Variants in ANO4 observed in about 807,000 individuals in gnomAD.
ANO4 encodes the protein anoctamin 4.
ANO4 carries 69 observed loss-of-function variants against 141.9 expected under a neutral mutation model. That is an observed-to-expected ratio of 0.49 (90% CI 0.40 to 0.59). ANO4 has a LOEUF of 0.59. Among genes scored for constraint, ANO4 ranks in the 20% least tolerant of loss-of-function variants. The pLI is 0.00. For synonymous variants in ANO4, 350 were observed against 394.3 expected (o/e 0.89, Z 1.33); for missense variants, 894 against 1,162.2 (o/e 0.77, Z 3.36).
chr12:100,912,883 G>A (rs1460612823), intron 2 of ANO4, among the ~76,000 whole-genome samples: 1 of 152,168 alleles, frequency 6.6e-6, no homozygotes, highest in Non-Finnish European at 1.5e-5. Flanking sequence ...GTGCCTTTCA[G>A]AACAGTTAGT....
chr12:100,780,895 G>A (rs1300166004), intron 3 of ANO4, among the ~76,000 whole-genome samples: 1 of 152,136 alleles, frequency 6.6e-6, no homozygotes, highest in African/African-American at 2.4e-5. Flanking sequence ...GTTGGTCATT[G>A]TTTGGCTTCA....
At chr12:100,912,945 C>T (rs2041180138) in intron 2 of ANO4, among the ~76,000 whole-genome samples, 1 of 152,140 alleles carries the variant, frequency 6.6e-6, no homozygotes, top group African/African-American at 2.4e-5. Context: ...ATCTCTTCCT[C>T]TTTAAGTGGG....
chr12:100,768,036 C>T (rs369172130), intron 3 of ANO4, among the ~76,000 whole-genome samples: 1 of 152,018 alleles, frequency 6.6e-6, no homozygotes, highest in Non-Finnish European at 1.5e-5. Flanking sequence ...TCCCTTGGGC[C>T]ATGGGGGCTG....
chr12:101,054,753 G>A (rs1453039915), intron 14 of ANO4, among the ~76,000 whole-genome samples: 1 of 151,954 alleles, frequency 6.6e-6, no homozygotes, highest in African/African-American at 2.4e-5. Context: ...GCCCGCCTTG[G>A]CCTCCCAAAG....
At position 101,114,335 on chromosome 12, in the gene ANO4, C is replaced by T. The variant is rs115667168; in HGVS notation, c.2451-2344C>T. Among the ~76,000 whole-genome samples the T allele has an allele frequency of 1.6e-3, 247 of 152,244 alleles. 1 individual carries two copies. The highest frequency in any genetic ancestry group is 5.5e-3 in the African/African-American group (229 of 41,542). On this transcript the variant is annotated intron_variant, in intron 24 of 27. Coordinates refer to ENST00000392977, the MANE Select transcript of ANO4 (RefSeq NM_001286615.2). The stretch of plus-strand genomic sequence containing the variant: ...GGAATTAGTGAAACGTCTAGCTGTC[C>T]GTGCATCTTTTCCCCCATTATGGAA...
chr12:101,053,322 A>G (rs562859188), intron 14 of ANO4, among the ~76,000 whole-genome samples: 1 of 152,238 alleles, frequency 6.6e-6, no homozygotes, highest in Non-Finnish European at 1.5e-5. Context: ...TAAAGCTCTG[A>G]AAAGGAAGAA....
chr12:100,828,953 G>A (rs1470551585), intron 1 of ANO4, among the ~76,000 whole-genome samples: 2 of 151,914 alleles, frequency 1.3e-5, no homozygotes, highest in African/African-American at 4.8e-5. Flanking sequence ...CCAGGAGGTG[G>A]AGGTTGCAGT....
chr12:100,824,631 G>T lies in ANO4; in HGVS notation c.-141+29604G>T, dbSNP rs553208930. Among the ~76,000 whole-genome samples the T allele has an allele frequency of 2.6e-5, 4 of 152,060 alleles. No individual in the cohort carries two copies. In the South Asian group the frequency reaches 8.3e-4, roughly 32 times the overall value. On this transcript the variant is annotated intron_variant, in intron 1 of 27. Coordinates refer to ENST00000392977, the MANE Select transcript of ANO4 (RefSeq NM_001286615.2). ...AATAATGCCAGTTTGTCACAGATGGGGATGAAATCAGATTTTCTCCAAAAC... is the reference window on the plus strand; with the variant it reads ...AATAATGCCAGTTTGTCACAGATGGTGATGAAATCAGATTTTCTCCAAAAC...
intron 1 of ANO4, chr12:100,885,621 T>C (rs932147717): frequency 4.6e-5 from 7 of 152,244 alleles, no homozygotes; most frequent in South Asian, 2.1e-4. Context: ...GGACTACATA[T>C]GATTGATGTG....
At chr12:100,756,185 T>C (rs2032603635) in intron 3 of ANO4, among the ~76,000 whole-genome samples, 1 of 152,162 alleles carries the variant, frequency 6.6e-6, no homozygotes, top group South Asian at 2.1e-4. Context: ...AATTACAACA[T>C]AGTAAGGGCT....
intron 3 of ANO4, among the ~76,000 whole-genome samples, chr12:100,784,325 C>G (rs2033798441): frequency 6.6e-6 from 1 of 152,174 alleles, no homozygotes; most frequent in African/African-American, 2.4e-5. Context: ...CTTCTAACTA[C>G]ACCCAGAACA....
At position 101,097,835 on chromosome 12, in the gene ANO4, G is replaced by A. The variant is rs756677721; in HGVS notation, c.1909-13G>A. 1.2e-5 allele frequency: 19 copies of A among 1,612,288 alleles called. No individual in the cohort carries two copies. The African/African-American group carries it at 1.9e-4, about 16-fold the overall frequency. ...CATTGATTCTGGAATTTCTGTGTTT[G>A]CTTACCTTGCAGTGCCACCCTAGTG... On this transcript the variant is annotated splice_polypyrimidine_tract_variant and intron_variant, in intron 20 of 27. Transcript: ENST00000392977.
chr12:100,784,411 G>T (rs2033801604), intron 3 of ANO4, among the ~76,000 whole-genome samples: 1 of 152,122 alleles, frequency 6.6e-6, no homozygotes, highest in Non-Finnish European at 1.5e-5. Flanking sequence ...TTACCTTGGG[G>T]TTTATTCAGT....
In ANO4 at chr12:101,112,512, G is replaced by C. The variant is rs549342116; in HGVS notation, c.2450+802G>C. ...TTATTATGGGATTTTGATGTCTATA[G>C]GTCAGAGTGAGGTGTGTTTGGGGAT... is the stretch of plus-strand genomic sequence containing the variant. On this transcript the variant is annotated intron_variant, in intron 24 of 27. Coordinates refer to ENST00000392977, the MANE Select transcript of ANO4 (RefSeq NM_001286615.2). 3.9e-5 allele frequency among the ~76,000 whole-genome samples: 6 copies of C among 152,316 alleles called. 1 individual carries two copies. The East Asian group carries it at 9.6e-4, about 24-fold the overall frequency.
At chr12:100,913,741 C>A (rs2041215550) in intron 2 of ANO4, among the ~76,000 whole-genome samples, 1 of 152,122 alleles carries the variant, frequency 6.6e-6, no homozygotes, top group Non-Finnish European at 1.5e-5. Context: ...AAAGTCTAAG[C>A]CCTTAGCCAT....
intron 8 of ANO4, among the ~76,000 whole-genome samples, chr12:101,019,796 C>T (rs1466295847): frequency 2.0e-5 from 3 of 152,162 alleles, no homozygotes; most frequent in Non-Finnish European, 2.9e-5. Context: ...GGTTTCTTAA[C>T]TTTGTTTAGC....
intron 8 of ANO4, among the ~76,000 whole-genome samples, chr12:101,015,334 C>A (rs1288247530): frequency 2.0e-5 from 3 of 152,074 alleles, no homozygotes; most frequent in African/African-American, 7.2e-5. Flanking sequence ...GCATGTACTT[C>A]CTAATATGTG....
chr12:101,110,127 C>T (rs534159941), intron 22 of ANO4, among the ~76,000 whole-genome samples: 36 of 152,218 alleles, frequency 2.4e-4, no homozygotes, highest in African/African-American at 8.4e-4. Context: ...TCAAACCATC[C>T]TCCAAGGAAC....
At position 101,110,381 on chromosome 12, in the gene ANO4, CTT is replaced by C. The variant is rs147846119; in HGVS notation, c.2150-19_2150-18del. On this transcript the variant is annotated intron_variant, in intron 22 of 27. Coordinates refer to ENST00000392977, the MANE Select transcript of ANO4 (RefSeq NM_001286615.2). ...TAATGGAAAACCAATACTCTCTGCT[CTT>C]TTTCCTTTTTTCTTTTCTAGTTCTT... The C allele has an allele frequency of 1.2e-3, 1,913 of 1,595,462 alleles. 23 individuals are homozygous for C. The African/African-American group carries it at 0.023, about 19-fold the overall frequency.
Sources: allele counts gnomAD v4.1 joint callset (sites outside exome capture counted in the v4.1 genomes callset), GRCh38; gene constraint gnomAD v4.1.1; transcripts MANE v1.5; gene names NCBI Gene and HGNC (gene_info 2026-07-23, HGNC 2026-07-21).